Variants in CHRM3 observed in about 807,000 individuals in gnomAD.
CHRM3 encodes muscarinic acetylcholine receptor M3.
Under a neutral mutation model 41.8 loss-of-function variants are expected in CHRM3, and 11 were observed. The ratio of observed to expected loss-of-function variants is 0.26; its 90% CI spans 0.17 to 0.44. The LOEUF (loss-of-function observed/expected upper bound fraction) is 0.44. Ranked by LOEUF, CHRM3 falls within the 20% of genes least tolerant of loss-of-function variation. CHRM3 has a pLI of 1.00. For synonymous variants in CHRM3, 297 were observed against 301.4 expected, an observed-to-expected ratio of 0.99 and a Z score of 0.15; for missense variants, 571 against 745.4, an observed-to-expected ratio of 0.77 and a Z score of 2.72.
chr1:239,585,828 G>A (rs545268850), intron 3 of CHRM3, among the ~76,000 whole-genome samples: 1 of 152,306 alleles, frequency 6.6e-6, no homozygotes, highest in Admixed American at 6.5e-5. Flanking sequence ...AGAGCATGCA[G>A]TGAGAAAGAA....
intron 5 of CHRM3, among the ~76,000 whole-genome samples, chr1:239,743,605 A>G (rs1665049922): frequency 6.6e-6 from 1 of 151,964 alleles, no homozygotes; most frequent in African/African-American, 2.4e-5. Flanking sequence ...GAGCAAACCA[A>G]GGGAGAGGAG....
rs1298099670 is a variant in CHRM3 at position 239,644,121 on chromosome 1, C to T, written c.-250+11835C>T. Among the ~76,000 whole-genome samples the T allele has an allele frequency of 2.0e-5, 3 of 152,284 alleles. No homozygotes were observed. In the South Asian group the frequency reaches 6.2e-4, roughly 32 times the overall value. On this transcript the variant is annotated intron_variant, in intron 4 of 6. Coordinates refer to ENST00000676153, the MANE Select transcript of CHRM3 (RefSeq NM_001375978.1). The stretch of plus-strand genomic sequence containing the variant: ...CAAATGATTTTGGAACCCATCCTAA[C>T]CTTTTAGTATCAAGTATCTGAAAAA...
chr1:239,747,592 G>A (rs889544058), intron 5 of CHRM3, among the ~76,000 whole-genome samples: 3 of 152,070 alleles, frequency 2.0e-5, no homozygotes, highest in Admixed American at 6.6e-5. Context: ...CCTACCCTTC[G>A]GTCAAGCATG....
intron 1 of CHRM3, among the ~76,000 whole-genome samples, chr1:239,432,006 C>T (rs1162294790): frequency 6.6e-6 from 1 of 152,182 alleles, no homozygotes; most frequent in East Asian, 1.9e-4. Context: ...ACTCTTTGTT[C>T]CTCCTTCCAC....
At chr1:239,821,791 TC>T (rs1672073811) in intron 5 of CHRM3, among the ~76,000 whole-genome samples, 1 of 152,198 alleles carries the variant, frequency 6.6e-6, no homozygotes, top group African/African-American at 2.4e-5. Flanking sequence ...CCAAATCTCA[TC>T]TTGAATTGTA....
chr1:239,426,239 T>C (rs1390138050), intron 1 of CHRM3, among the ~76,000 whole-genome samples: 1 of 143,328 alleles, frequency 7.0e-6, no homozygotes, highest in African/African-American at 2.6e-5. Context: ...TTTTACACTG[T>C]TCGTGGGACT....
At chr1:239,448,791 G>A (rs891236435) in intron 1 of CHRM3, among the ~76,000 whole-genome samples, 4 of 152,004 alleles carry the variant, frequency 2.6e-5, no homozygotes, top group Non-Finnish European at 4.4e-5. Context: ...TTGTTTGTTT[G>A]TTTTGTTTTG....
intron 4 of CHRM3, among the ~76,000 whole-genome samples, chr1:239,634,503 A>G (rs1321597273): frequency 6.6e-6 from 1 of 152,084 alleles, no homozygotes; most frequent in East Asian, 1.9e-4. Flanking sequence ...GGAATTGCCT[A>G]TGAAAGCTGG....
chr1:239,667,335 C>G (rs1275097271), intron 4 of CHRM3, among the ~76,000 whole-genome samples: 2 of 152,160 alleles, frequency 1.3e-5, no homozygotes, highest in Non-Finnish European at 2.9e-5. Context: ...TCTTCTCTGT[C>G]CAGTCAGGTG....
chr1:239,845,264 C>T (rs753458373), intron 6 of CHRM3, among the ~76,000 whole-genome samples: 11 of 152,188 alleles, frequency 7.2e-5, no homozygotes, highest in Non-Finnish European at 1.6e-4. Flanking sequence ...AAAACAGCAG[C>T]TCATGAGCCA....
chr1:239,829,576 A>G (rs1268785544), intron 6 of CHRM3, among the ~76,000 whole-genome samples: 2 of 152,172 alleles, frequency 1.3e-5, no homozygotes, highest in Non-Finnish European at 2.9e-5. Context: ...ATTTCAATAT[A>G]TCAATCTTTT....
intron 2 of CHRM3, among the ~76,000 whole-genome samples, chr1:239,521,158 T>G (rs1413033265): frequency 6.6e-6 from 1 of 152,234 alleles, no homozygotes; most frequent in African/African-American, 2.4e-5. Context: ...TTACTTCCAA[T>G]TACTGCAGCA....
intron 2 of CHRM3, among the ~76,000 whole-genome samples, chr1:239,529,115 GA>G (rs938141876): frequency 6.6e-6 from 1 of 151,730 alleles, no homozygotes; most frequent in Non-Finnish European, 1.5e-5. Context: ...TGCCTTTCAA[GA>G]AAAAAAATTA....
intron 1 of CHRM3, among the ~76,000 whole-genome samples, chr1:239,390,048 C>G (rs950328477): frequency 4.6e-5 from 7 of 152,152 alleles, no homozygotes; most frequent in Non-Finnish European, 8.8e-5. Flanking sequence ...ATTATTCTCA[C>G]AGTGTGATTT....
At chr1:239,851,717 A>C (rs1674709584) in intron 6 of CHRM3, among the ~76,000 whole-genome samples, 1 of 152,148 alleles carries the variant, frequency 6.6e-6, no homozygotes, top group African/African-American at 2.4e-5. Flanking sequence ...GTGGCCTAGA[A>C]CTTAGTTTAT....
intron 6 of CHRM3, chr1:239,899,971 C>T (rs1679386655): frequency 6.6e-6 from 1 of 152,212 alleles, no homozygotes; most frequent in African/African-American, 2.4e-5. Context: ...GAACTCTTGC[C>T]TGGGATTACT....
intron 2 of CHRM3, among the ~76,000 whole-genome samples, chr1:239,538,920 A>G (rs1034546634): frequency 3.3e-5 from 5 of 152,210 alleles, no homozygotes; most frequent in Non-Finnish European, 5.9e-5. Flanking sequence ...GTGCCCTAAA[A>G]TAGTTATTTC....
At chr1:239,671,495 G>A (rs1674362501) in intron 4 of CHRM3, among the ~76,000 whole-genome samples, 1 of 152,034 alleles carries the variant, frequency 6.6e-6, no homozygotes, top group African/African-American at 2.4e-5. Context: ...ACCCCCTTCA[G>A]CCTAGGAGGT....
chr1:239,529,802 T>G (rs1670260483), intron 2 of CHRM3, among the ~76,000 whole-genome samples: 1 of 152,156 alleles, frequency 6.6e-6, no homozygotes, highest in African/African-American at 2.4e-5. Flanking sequence ...AGTGCCTGCT[T>G]GAGGTGCTAT....
Sources: gnomAD v4.1 joint callset for allele counts (sites outside exome capture counted in the v4.1 genomes callset) on GRCh38, gnomAD v4.1.1 for gene constraint, MANE v1.5 for transcripts, NCBI Gene and HGNC (gene_info 2026-07-23, HGNC 2026-07-21) for gene names.